Variants in DLGAP1 observed in about 807,000 individuals in gnomAD.
DLGAP1 encodes the protein disks large-associated protein 1.
Under a neutral mutation model 90.8 loss-of-function variants are expected in DLGAP1, and 11 were observed. The ratio of observed to expected loss-of-function variants is 0.12; its 90% CI spans 0.08 to 0.20. DLGAP1 has a LOEUF of 0.20. Ranked by LOEUF, DLGAP1 falls within the 10% of genes least tolerant of loss-of-function variation. The pLI is 1.00. For synonymous variants in DLGAP1, 558 were observed against 540.7 expected, an observed-to-expected ratio of 1.03 and a Z score of -0.44; for missense variants, 1,050 against 1,333.8, an observed-to-expected ratio of 0.79 and a Z score of 3.31.
intron 5 of DLGAP1, among the ~76,000 whole-genome samples, chr18:3,785,748 A>G (rs1285495538): frequency 6.6e-6 from 1 of 152,222 alleles, no homozygotes; most frequent in Non-Finnish European, 1.5e-5. Context: ...GTGGAAGGCA[A>G]CTGTGGTTCT....
intron 1 of DLGAP1, among the ~76,000 whole-genome samples, chr18:4,448,623 G>T (rs1331650858): frequency 6.6e-6 from 1 of 152,156 alleles, no homozygotes; most frequent in African/African-American, 2.4e-5. Context: ...GGTAGATGTG[G>T]TATCTACAGC....
chr18:4,129,962 C>T (rs544806984), intron 2 of DLGAP1, among the ~76,000 whole-genome samples: 25 of 152,194 alleles, frequency 1.6e-4, no homozygotes, highest in East Asian at 1.4e-3. Flanking sequence ...GGGCATTGTC[C>T]GGAGCATGCT....
intron 5 of DLGAP1, among the ~76,000 whole-genome samples, chr18:3,802,134 G>A (rs2066329954): frequency 1.3e-5 from 2 of 152,106 alleles, no homozygotes; most frequent in South Asian, 2.1e-4. Context: ...ACAGGTGTGT[G>A]CCACCATGCC....
intron 3 of DLGAP1, among the ~76,000 whole-genome samples, chr18:3,903,168 ATG>A (rs1303024477): frequency 6.7e-6 from 1 of 149,338 alleles, no homozygotes; most frequent in Non-Finnish European, 1.5e-5. Context: ...AAATAAATGA[ATG>A]GAGATATTTG....
At chr18:3,704,564 G>A (rs1021062905) in intron 7 of DLGAP1, among the ~76,000 whole-genome samples, 1 of 151,484 alleles carries the variant, frequency 6.6e-6, no homozygotes, top group African/African-American at 2.4e-5. Flanking sequence ...GTGACACAGC[G>A]AGACTCCATC....
chr18:3,809,525 G>C (rs1411331113), intron 5 of DLGAP1, among the ~76,000 whole-genome samples: 1 of 152,156 alleles, frequency 6.6e-6, no homozygotes, highest in Non-Finnish European at 1.5e-5. Context: ...GAAGCCTTTT[G>C]TTAGACACTT....
chr18:4,089,039 A>G (rs773113069), intron 2 of DLGAP1, among the ~76,000 whole-genome samples: 3 of 152,218 alleles, frequency 2.0e-5, no homozygotes, highest in Non-Finnish European at 2.9e-5. Context: ...ACATGATCCT[A>G]TATCTAGAAA....
chr18:3,600,999 T>G lies in DLGAP1; in HGVS notation c.1592-18751A>C, dbSNP rs1394086493. ...ATATATAGATATAGATATATAGATA[T>G]ATAGATATAGATAGATATATAGATA... On this transcript the variant is annotated intron_variant, in intron 7 of 12. Transcript: ENST00000315677. Among the ~76,000 whole-genome samples the G allele has an allele frequency of 1.8e-4, 24 of 131,924 alleles. 1 individual carries two copies. Among genetic ancestry groups the G allele is most frequent in the African/African-American group, 3.1e-5 (1 of 32,332 alleles). 86.5% of individuals were successfully genotyped at this position (131,924 alleles called of 152,430 possible). A position where few individuals can be genotyped will look rare whatever the true frequency, so the allele number is the denominator to read the frequency against.
chr18:3,867,917 C>T (rs1413517501), intron 4 of DLGAP1, among the ~76,000 whole-genome samples: 1 of 152,026 alleles, frequency 6.6e-6, no homozygotes, highest in African/African-American at 2.4e-5. Context: ...GTTTCTTTTT[C>T]CATGCAGTGA....
At chr18:4,244,775 C>T (rs2078619330) in intron 1 of DLGAP1, among the ~76,000 whole-genome samples, 2 of 152,158 alleles carry the variant, frequency 1.3e-5, no homozygotes, top group Non-Finnish European at 2.9e-5. Flanking sequence ...GATGGAATTG[C>T]TTTTAGTTCA....
At chr18:4,329,648 A>C (rs1168638589) in intron 1 of DLGAP1, among the ~76,000 whole-genome samples, 1 of 151,964 alleles carries the variant, frequency 6.6e-6, no homozygotes, top group Non-Finnish European at 1.5e-5. Flanking sequence ...TCTCTCCGTC[A>C]TTGAGTTCTT....
In DLGAP1 at chr18:3,879,509, C is replaced by T. The variant is rs767909387; in HGVS notation, c.560G>A (p.Arg187Gln). ...RYGKRSKSKE[R>Q]RAEPKARPST... ...GGGCCGGGCCTTGGGCTCCGCGCGC[C>T]GCTCCTTGCTCTTGCTGCGTTTGCC... The change falls in exon 4 of 13, where the codon CGG becomes CAG. Residue 187 changes from arginine (R) to glutamine (Q), a missense_variant. By Grantham distance (43) the Arg-to-Gln change is conservative. Coordinates refer to ENST00000315677, the MANE Select transcript of DLGAP1 (RefSeq NM_004746.4). The surrounding 1 kb of genome is among the most constrained non-coding windows in gnomAD (Gnocchi z 6.6). The T allele has an allele frequency of 3.3e-5, 53 of 1,603,024 alleles. No homozygotes were observed. Among genetic ancestry groups the T allele is most frequent in the Non-Finnish European group, 4.2e-5 (49 of 1,179,560 alleles).
intron 5 of DLGAP1, among the ~76,000 whole-genome samples, chr18:3,746,482 A>G (rs1006013635): frequency 6.6e-6 from 1 of 152,198 alleles, no homozygotes; most frequent in Non-Finnish European, 1.5e-5. Flanking sequence ...ATGAAAATTT[A>G]AAACTTTTGT....
chr18:4,391,721 C>G (rs1014682642), intron 1 of DLGAP1, among the ~76,000 whole-genome samples: 2 of 100,644 alleles, frequency 2.0e-5, no homozygotes, highest in South Asian at 3.0e-4. Flanking sequence ...CTTGGTCAGA[C>G]AGATCTACAC....
intron 2 of DLGAP1, among the ~76,000 whole-genome samples, chr18:4,133,248 G>C (rs969912322): frequency 6.6e-6 from 1 of 152,170 alleles, no homozygotes; most frequent in South Asian, 2.1e-4. Flanking sequence ...CACAGCACAT[G>C]CTAAGTCAAG....
chr18:3,655,017 A>G (rs1167105441), intron 7 of DLGAP1, among the ~76,000 whole-genome samples: 1 of 127,950 alleles, frequency 7.8e-6, no homozygotes, highest in Non-Finnish European at 1.6e-5. Context: ...TACATAACTG[A>G]CCTACTACTC....
chr18:4,358,179 T>A lies in DLGAP1; in HGVS notation c.-267+96827A>T, dbSNP rs374727188. 2.0e-5 allele frequency among the ~76,000 whole-genome samples: 3 copies of A among 152,158 alleles called. No homozygotes were observed. In the South Asian group the frequency reaches 6.2e-4, roughly 32 times the overall value. ...TTCCATGAAGTCGATATTTGAGAGT[T>A]GGAAGGAAGCAAATAATATACATGC... On this transcript the variant is annotated intron_variant, in intron 1 of 12. Transcript: ENST00000315677.
chr18:4,189,607 A>T (rs1200760312), intron 1 of DLGAP1, among the ~76,000 whole-genome samples: 2 of 152,178 alleles, frequency 1.3e-5, no homozygotes, highest in Non-Finnish European at 2.9e-5. Flanking sequence ...ACAGATATAA[A>T]CAACCAATTC....
chr18:4,019,844 C>T (rs915983259), intron 2 of DLGAP1, among the ~76,000 whole-genome samples: 1 of 152,144 alleles, frequency 6.6e-6, no homozygotes, highest in Non-Finnish European at 1.5e-5. Flanking sequence ...CACGCACACA[C>T]CCCCTTCCCT....
Sources: allele counts gnomAD v4.1 joint callset (sites outside exome capture counted in the v4.1 genomes callset), GRCh38; gene constraint gnomAD v4.1.1; non-coding constraint Gnocchi (gnomAD v3.1); transcripts MANE v1.5; gene names NCBI Gene and HGNC (gene_info 2026-07-23, HGNC 2026-07-21).